The following ZNF385D variants were observed in gnomAD, a reference collection of about 807,000 sequenced individuals.
The protein encoded by ZNF385D is zinc finger protein 385D.
ZNF385D carries 15 observed loss-of-function variants against 35.8 expected under a neutral mutation model. That is an observed-to-expected ratio of 0.42 (90% CI 0.28 to 0.64). ZNF385D has a LOEUF of 0.64. Among genes scored for constraint, ZNF385D ranks in the 30% least tolerant of loss-of-function variants. The pLI is 0.23. For synonymous variants in ZNF385D, 212 were observed against 186.8 expected, an observed-to-expected ratio of 1.13 and a Z score of -1.10; for missense variants, 474 against 494.6, an observed-to-expected ratio of 0.96 and a Z score of 0.39.
intron 3 of ZNF385D, among the ~76,000 whole-genome samples, chr3:21,876,275 T>TG (rs1468182830): frequency 6.6e-6 from 1 of 151,698 alleles, no homozygotes; most frequent in Non-Finnish European, 1.5e-5. Context: ...TGTGTTTTTT[T>TG]TTTCTGTCCT....
intron 3 of ZNF385D, among the ~76,000 whole-genome samples, chr3:22,101,781 A>G (rs533870545): frequency 2.8e-4 from 42 of 152,194 alleles, no homozygotes; most frequent in African/African-American, 9.9e-4. Context: ...ATGAAATCAA[A>G]TATCAAGAAT....
At chr3:21,537,198 TCTC>T (rs2062056645) in intron 3 of ZNF385D, among the ~76,000 whole-genome samples, 1 of 146,146 alleles carries the variant, frequency 6.8e-6, no homozygotes, top group African/African-American at 2.5e-5. Context: ...AGTGGCGTGA[TCTC>T]AGCTCACTGC....
chr3:21,684,590 C>T (rs1443433380), intron 1 of ZNF385D, among the ~76,000 whole-genome samples: 2 of 151,954 alleles, frequency 1.3e-5, no homozygotes, highest in African/African-American at 2.4e-5. Context: ...TATAAAGTCA[C>T]ATTAATTTTA....
At chr3:22,343,847 G>A (rs1306834742) in intron 2 of ZNF385D, among the ~76,000 whole-genome samples, 1 of 151,940 alleles carries the variant, frequency 6.6e-6, no homozygotes, top group Non-Finnish European at 1.5e-5. Context: ...ACACTTGAAT[G>A]TAAATCTAAA....
At chr3:21,784,859 T>C (rs1483750076) in intron 3 of ZNF385D, among the ~76,000 whole-genome samples, 3 of 152,276 alleles carry the variant, frequency 2.0e-5, no homozygotes, top group South Asian at 4.1e-4. Flanking sequence ...CTGTTACTGA[T>C]TGTGATTTTT....
At chr3:21,744,627 G>C (rs2069676101) in intron 1 of ZNF385D, among the ~76,000 whole-genome samples, 1 of 152,082 alleles carries the variant, frequency 6.6e-6, no homozygotes, top group South Asian at 2.1e-4. Flanking sequence ...AATTGTATCA[G>C]GTGAGTTGCT....
chr3:22,342,178 G>A (rs909649641), intron 2 of ZNF385D, among the ~76,000 whole-genome samples: 1 of 149,084 alleles, frequency 6.7e-6, no homozygotes, highest in Non-Finnish European at 1.5e-5. Context: ...TCGGGAGACT[G>A]AGGCAGGAGA....
chr3:22,013,203 A>G (rs1696682387), intron 3 of ZNF385D, among the ~76,000 whole-genome samples: 1 of 152,162 alleles, frequency 6.6e-6, no homozygotes, highest in Admixed American at 6.6e-5. Context: ...GCTTCAAGAT[A>G]CATAAAGTGC....
At chr3:22,107,496 T>C (rs1368987238) in intron 3 of ZNF385D, among the ~76,000 whole-genome samples, 1 of 152,128 alleles carries the variant, frequency 6.6e-6, no homozygotes, top group Non-Finnish European at 1.5e-5. Context: ...CTCTAGATTT[T>C]CTGATATAAA....
At chr3:21,427,547 G>T (rs1254133096) in intron 5 of ZNF385D, among the ~76,000 whole-genome samples, 10 of 152,092 alleles carry the variant, frequency 6.6e-5, no homozygotes, top group Admixed American at 6.6e-4. Flanking sequence ...GCCAGACATA[G>T]GTGGCTTGTC....
intron 3 of ZNF385D, among the ~76,000 whole-genome samples, chr3:22,156,579 G>A (rs1168340936): frequency 6.6e-6 from 1 of 152,074 alleles, no homozygotes; most frequent in South Asian, 2.1e-4. Flanking sequence ...AGTCTCTTGG[G>A]CTGGCAATTA....
intron 3 of ZNF385D, among the ~76,000 whole-genome samples, chr3:21,908,124 ATC>A (rs1699780548): frequency 8.7e-6 from 1 of 114,416 alleles, no homozygotes; most frequent in South Asian, 3.0e-4. Flanking sequence ...CTCTATATCT[ATC>A]TATCTATCTA....
At chr3:21,553,731 G>A (rs937701764) in intron 3 of ZNF385D, among the ~76,000 whole-genome samples, 1 of 152,110 alleles carries the variant, frequency 6.6e-6, no homozygotes, top group African/African-American at 2.4e-5. Flanking sequence ...TGTCAATTAG[G>A]TTTATATAAT....
intron 3 of ZNF385D, among the ~76,000 whole-genome samples, chr3:21,853,765 C>T (rs12496850): frequency 0.2 from 30,726 of 151,552 alleles, 3,310 homozygotes; most frequent in Admixed American, 0.26. Context: ...AGAATAATTT[C>T]TTCATGGATT....
At chr3:22,036,028 A>G (rs1324599123) in intron 3 of ZNF385D, among the ~76,000 whole-genome samples, 2 of 152,150 alleles carry the variant, frequency 1.3e-5, no homozygotes, top group Non-Finnish European at 2.9e-5. Flanking sequence ...CTGAGCCTTG[A>G]CACCTTGGAT....
At chr3:22,240,638 T>G (rs1422981073) in intron 2 of ZNF385D, among the ~76,000 whole-genome samples, 1 of 151,054 alleles carries the variant, frequency 6.6e-6, no homozygotes, top group Non-Finnish European at 1.5e-5. Context: ...TCTTTGAGGT[T>G]GCAGCAATTG....
At chr3:21,708,902 T>C (rs544658920) in intron 1 of ZNF385D, among the ~76,000 whole-genome samples, 1 of 152,056 alleles carries the variant, frequency 6.6e-6, no homozygotes, top group South Asian at 2.1e-4. Context: ...ACAACAATAA[T>C]ATACTGATCT....
chr3:21,929,021 G>A (rs1700878750), intron 3 of ZNF385D, among the ~76,000 whole-genome samples: 1 of 152,090 alleles, frequency 6.6e-6, no homozygotes, highest in Non-Finnish European at 1.5e-5. Flanking sequence ...AAATGTATCA[G>A]TAGAAAAGAA....
intron 3 of ZNF385D, among the ~76,000 whole-genome samples, chr3:22,035,114 A>G (rs1698236882): frequency 6.6e-6 from 1 of 152,230 alleles, no homozygotes; most frequent in South Asian, 2.1e-4. Context: ...ACATTTGGGT[A>G]TCAATGAACT....
Sources: allele counts gnomAD v4.1 joint callset (sites outside exome capture counted in the v4.1 genomes callset), GRCh38; gene constraint gnomAD v4.1.1; transcripts MANE v1.5; gene names NCBI Gene and HGNC (gene_info 2026-07-23, HGNC 2026-07-21).